Variants in RALGAPA1 observed in about 807,000 individuals in gnomAD.
The protein encoded by RALGAPA1 is Ral GTPase activating protein catalytic subunit alpha 1, also known as ral GTPase-activating protein subunit alpha-1.
In RALGAPA1, 52 loss-of-function variants were observed where a neutral mutation model predicts 269.6. That is an observed-to-expected ratio of 0.19 (90% CI 0.15 to 0.24). The LOEUF is 0.24. Among genes scored for constraint, RALGAPA1 ranks in the 10% least tolerant of loss-of-function variants. The pLI, the probability that RALGAPA1 is intolerant of heterozygous loss-of-function variation, is 1.00. For missense variants in RALGAPA1, 1,917 were observed against 3,013.9 expected, an observed-to-expected ratio of 0.64 and a Z score of 8.52; for synonymous variants, 817 against 1,008.3, an observed-to-expected ratio of 0.81 and a Z score of 3.60.
chr14:35,664,257 T>G (rs2063759771), intron 27 of RALGAPA1, among the ~76,000 whole-genome samples: 1 of 152,214 alleles, frequency 6.6e-6, no homozygotes, highest in Non-Finnish European at 1.5e-5. Flanking sequence ...CATTACTATG[T>G]TTGACTCATC....
At position 35,655,893 on chromosome 14, in the gene RALGAPA1, C is replaced by A; in HGVS notation, c.5410G>T (p.Gly1804Cys). Reference sequence around the variant, plus strand: ...ACTAGTTCTTCACAAATCCAAATACCTAAACTACAAAGTGCTACACATCTG... The same window carrying A: ...ACTAGTTCTTCACAAATCCAAATACATAAACTACAAAGTGCTACACATCTG... Reference protein sequence around the residue: ...PARCVALCSLGIWICEELVHE... With the variant: ...PARCVALCSLCIWICEELVHE... Residue 1804 changes from glycine to cysteine, a missense_variant, in exon 29 of 42, where the codon GGT becomes TGT. Physicochemically the swap from Gly to Cys is radical, Grantham distance 159 (BLOSUM62 -3). Transcript: ENST00000680220. 6.2e-7 allele frequency: 1 copy of A among 1,613,214 alleles called. No homozygotes were observed. The highest frequency in any genetic ancestry group is 8.5e-7 in the Non-Finnish European group (1 of 1,179,574).
At chr14:35,730,443 C>T (rs1045267703) in intron 12 of RALGAPA1, among the ~76,000 whole-genome samples, 1 of 151,946 alleles carries the variant, frequency 6.6e-6, no homozygotes, top group African/African-American at 2.4e-5. Flanking sequence ...AGGGGAAGAA[C>T]CAAAGCCCAT....
Position 35,688,579 on chromosome 14 carries a change from G to A in RALGAPA1, c.3832C>T (p.His1278Tyr), listed in dbSNP as rs1469956490. 5.9e-6 allele frequency: 9 copies of A among 1,536,042 alleles called. No homozygotes were observed. Among genetic ancestry groups the A allele is most frequent in the Non-Finnish European group, 7.8e-6 (9 of 1,146,846 alleles). Residue 1278 changes from histidine to tyrosine, a missense_variant, in exon 18 of 42, where the codon CAT becomes TAT. By Grantham distance (83) the His-to-Tyr change is moderately conservative. Around this residue, in one of 11 missense-constraint regions of RALGAPA1, gnomAD observed 615 missense variants for 790.0 expected, o/e 0.78. Coordinates refer to ENST00000680220, the MANE Select transcript of RALGAPA1 (RefSeq NM_001346249.2). ...SLGGVYKTVV[H>Y]ALSKPKANVS... ...TTTGCCTTCGGCTTCGAAAGAGCATGTACAACAGTTTTATAAACGCCACCC... is the reference window on the plus strand; with the variant it reads ...TTTGCCTTCGGCTTCGAAAGAGCATATACAACAGTTTTATAAACGCCACCC...
chr14:35,751,338 A>G (rs2072665000), intron 8 of RALGAPA1, among the ~76,000 whole-genome samples: 1 of 152,136 alleles, frequency 6.6e-6, no homozygotes, highest in African/African-American at 2.4e-5. Context: ...ACTTGATTGA[A>G]CCCCCATATG....
chr14:35,693,018 G>T (rs1473782150), intron 17 of RALGAPA1, among the ~76,000 whole-genome samples: 1 of 151,966 alleles, frequency 6.6e-6, no homozygotes, highest in Non-Finnish European at 1.5e-5. Context: ...CTCTTTAAGT[G>T]ACTTGTCCAA....
At chr14:35,647,211 C>T (rs184097681) in intron 31 of RALGAPA1, among the ~76,000 whole-genome samples, 185 of 152,198 alleles carry the variant, frequency 1.2e-3, no homozygotes, top group East Asian at 8.1e-3. Flanking sequence ...ACACTGCTGG[C>T]ACGTGATTTT....
intron 37 of RALGAPA1, among the ~76,000 whole-genome samples, chr14:35,586,972 C>A (rs2058337084): frequency 6.6e-6 from 1 of 152,284 alleles, no homozygotes; most frequent in African/African-American, 2.4e-5. Flanking sequence ...TGATGCTGGC[C>A]TCATAAAATG....
chr14:35,645,346 G>GGGGTGTGTGTGTGTGT (rs71445953), intron 31 of RALGAPA1, among the ~76,000 whole-genome samples: 42 of 129,560 alleles, frequency 3.2e-4, no homozygotes, highest in African/African-American at 1.0e-3. Flanking sequence ...TATAGAGATG[G>GGGGTGTGTGTGTGTGT]GTGTGTGTGT....
intron 17 of RALGAPA1, among the ~76,000 whole-genome samples, chr14:35,696,945 A>C (rs1406622159): frequency 6.6e-6 from 1 of 152,232 alleles, no homozygotes; most frequent in Non-Finnish European, 1.5e-5. Flanking sequence ...AATTTAGTCA[A>C]ACCTTGGAAG....
At chr14:35,752,362 C>T (rs539923521) in intron 7 of RALGAPA1, among the ~76,000 whole-genome samples, 200 bp from the exon 8 acceptor site, 4 of 152,050 alleles carry the variant, frequency 2.6e-5, no homozygotes, top group Non-Finnish European at 5.9e-5. Flanking sequence ...TTTAAAAAAC[C>T]TTAGAAGTAT....
At chr14:35,560,224 G>C (rs2056073913) in intron 39 of RALGAPA1, among the ~76,000 whole-genome samples, 1 of 152,154 alleles carries the variant, frequency 6.6e-6, no homozygotes, top group Non-Finnish European at 1.5e-5. Flanking sequence ...AGTAGCATTA[G>C]AAAACCACAT....
At chr14:35,799,484 C>T (rs756517866) in intron 1 of RALGAPA1, among the ~76,000 whole-genome samples, 20 of 151,752 alleles carry the variant, frequency 1.3e-4, no homozygotes, top group Non-Finnish European at 1.9e-4. Flanking sequence ...ATCGCTCTAA[C>T]CTGAGAGGCG....
At chr14:35,544,207 TG>T (rs965061717) in intron 41 of RALGAPA1, among the ~76,000 whole-genome samples, 3 of 152,126 alleles carry the variant, frequency 2.0e-5, no homozygotes, top group Non-Finnish European at 2.9e-5. Context: ...TAAAGATATA[TG>T]GGGGAAAAGA....
chr14:35,542,319 C>G, intron 41 of RALGAPA1: 1 of 214,240 alleles, frequency 4.7e-6, no homozygotes, highest in South Asian at 6.6e-5. Context: ...TTAGACAGTG[C>G]AGATATAGAA....
intron 35 of RALGAPA1, among the ~76,000 whole-genome samples, chr14:35,608,041 C>T (rs924188733): frequency 1.3e-5 from 2 of 152,146 alleles, no homozygotes; most frequent in Admixed American, 6.5e-5. Flanking sequence ...AGGGTCGACT[C>T]CTGGGAAGCT....
chr14:35,781,592 AT>A (rs2075432270), intron 1 of RALGAPA1, among the ~76,000 whole-genome samples: 1 of 151,750 alleles, frequency 6.6e-6, no homozygotes, highest in Non-Finnish European at 1.5e-5. Context: ...CTATCTATCT[AT>A]CTATCTATCT....
intron 35 of RALGAPA1, 30 bp downstream of exon 35, chr14:35,625,331 T>TATA: frequency 6.9e-7 from 1 of 1,444,778 alleles, no homozygotes; most frequent in Admixed American, 1.8e-5. Flanking sequence ...TGAGAGTTGC[T>TATA]AGTTATGTGA....
In RALGAPA1 at chr14:35,732,662, TTA is replaced by T. The variant is rs569625130; in HGVS notation, c.1588-4154_1588-4153del. Among the ~76,000 whole-genome samples the T allele has an allele frequency of 2.2e-3, 330 of 152,284 alleles. 3 individuals are homozygous for T. Among genetic ancestry groups the T allele is most frequent in the African/African-American group, 7.6e-3 (317 of 41,562 alleles). On this transcript the variant is annotated intron_variant, in intron 12 of 41. Coordinates refer to ENST00000680220, the MANE Select transcript of RALGAPA1 (RefSeq NM_001346249.2). ...CAGTTAAAAGAGACAAAGAGGGACA[TTA>T]TATAATGGTAAAAGGCCTTGTCCAA...
At chr14:35,550,027 A>G (rs187547971) in intron 39 of RALGAPA1, among the ~76,000 whole-genome samples, 261 of 152,320 alleles carry the variant, frequency 1.7e-3, no homozygotes, top group Non-Finnish European at 2.4e-3. Context: ...TTGACAAGCA[A>G]CCAGTACCTT....
Sources: gnomAD v4.1 joint callset for allele counts (sites outside exome capture counted in the v4.1 genomes callset) on GRCh38, gnomAD v4.1.1 for gene constraint, gnomAD v4.1.1 regional missense constraint, MANE v1.5 for transcripts, NCBI Gene and HGNC (gene_info 2026-07-23, HGNC 2026-07-21) for gene names.